PIK3R1: variants seen among roughly 807,000 people sequenced by gnomAD.
The protein encoded by PIK3R1 is phosphoinositide-3-kinase regulatory subunit 1.
In PIK3R1, 29 loss-of-function variants were observed where a neutral mutation model predicts 98.0. That is an observed-to-expected ratio of 0.30 (90% CI 0.22 to 0.40). The LOEUF is 0.40. Among genes scored for constraint, PIK3R1 ranks in the 10% least tolerant of loss-of-function variants. PIK3R1 has a pLI of 1.00. For synonymous variants in PIK3R1, 282 were observed against 311.8 expected, an observed-to-expected ratio of 0.90 and a Z score of 1.01; for missense variants, 596 against 872.7, an observed-to-expected ratio of 0.68 and a Z score of 3.99.
chr5:68,290,874 G>C, intron 7 of PIK3R1: 3 of 1,406,782 alleles, frequency 2.1e-6, no homozygotes, highest in Non-Finnish European at 2.9e-6. Flanking sequence ...AGTTAATTTC[G>C]TGGCTTTTTA....
At chr5:68,283,745 A>G (rs1580248949) in intron 7 of PIK3R1, among the ~76,000 whole-genome samples, 1 of 152,276 alleles carries the variant, frequency 6.6e-6, no homozygotes, top group East Asian at 1.9e-4. Flanking sequence ...GCTCTGTGCT[A>G]CCCGGCCAGT....
At chr5:68,294,775 A>C in intron 12 of PIK3R1, 97 bp downstream of exon 12, 1 of 776,688 alleles carries the variant, frequency 1.3e-6, no homozygotes, top group Non-Finnish European at 1.8e-6. Context: ...GATCACGTGG[A>C]CACAGGAAGG....
chr5:68,288,156 C>A (rs1019681350), intron 7 of PIK3R1, among the ~76,000 whole-genome samples: 5 of 152,312 alleles, frequency 3.3e-5, no homozygotes, highest in African/African-American at 9.6e-5. Flanking sequence ...GCTACTTGAG[C>A]CCCGCGAGCC....
chr5:68,299,356 C>T lies in PIK3R1; in HGVS notation c.*1755C>T, dbSNP rs1043704607. 6 of 233,462 alleles carry T rather than the reference C, an allele frequency of 2.6e-5. No homozygotes were observed. The highest frequency in any genetic ancestry group is 1.2e-4 in the East Asian group (2 of 16,584). The allele number at this position is 233,462 out of a possible 1,614,324, so 14.5% of individuals were successfully genotyped here. ...TCACTGCTCTGGACTGTGTGGAGCT[C>T]GCTAAAGTCATGGTCATTGCAGGAA... On this transcript the variant is annotated 3_prime_UTR_variant, in exon 16 of 16. Transcript: ENST00000521381.
chr5:68,286,591 T>A (rs183775632), intron 7 of PIK3R1, among the ~76,000 whole-genome samples: 87 of 152,332 alleles, frequency 5.7e-4, no homozygotes, highest in Non-Finnish European at 8.7e-4. Flanking sequence ...AAGATTCAGC[T>A]CACACTTTCC....
At chr5:68,251,463 C>T (rs1290198063) in intron 2 of PIK3R1, among the ~76,000 whole-genome samples, 1 of 151,408 alleles carries the variant, frequency 6.6e-6, no homozygotes, top group Non-Finnish European at 1.5e-5. Context: ...GCCCTCACAA[C>T]CCTTGAAGTT....
chr5:68,235,366 G>T (rs755627223), intron 2 of PIK3R1, among the ~76,000 whole-genome samples: 11 of 151,836 alleles, frequency 7.2e-5, no homozygotes, highest in Non-Finnish European at 1.5e-4. Context: ...TTGTGCCACT[G>T]CACTTTAGCC....
intron 2 of PIK3R1, among the ~76,000 whole-genome samples, chr5:68,228,764 T>G (rs1242356056): frequency 1.3e-5 from 2 of 152,208 alleles, no homozygotes; most frequent in Non-Finnish European, 2.9e-5. Context: ...GGGCACCTTG[T>G]CAAGATTAGT....
At chr5:68,216,179 C>A (rs1468912687) in intron 1 of PIK3R1, among the ~76,000 whole-genome samples, 1 of 152,178 alleles carries the variant, frequency 6.6e-6, no homozygotes. Flanking sequence ...CCCCGCCATC[C>A]TGACTCCCGT....
chr5:68,269,795 C>T (rs1041933699), intron 2 of PIK3R1, among the ~76,000 whole-genome samples: 4 of 151,912 alleles, frequency 2.6e-5, no homozygotes, highest in African/African-American at 9.7e-5. Flanking sequence ...AGAACTTTCA[C>T]ATTCACCATG....
intron 1 of PIK3R1, among the ~76,000 whole-genome samples, chr5:68,221,564 T>C (rs1032113124): frequency 6.6e-6 from 1 of 152,240 alleles, no homozygotes; most frequent in African/African-American, 2.4e-5. Context: ...CTTGATTAAT[T>C]TAATGTGATT....
At chr5:68,224,089 G>T (rs1367296146) in intron 1 of PIK3R1, among the ~76,000 whole-genome samples, 1 of 152,150 alleles carries the variant, frequency 6.6e-6, no homozygotes, top group Non-Finnish European at 1.5e-5. Context: ...GCCAGGAAAA[G>T]CTAACAAAAA....
In PIK3R1 at chr5:68,299,435, G is replaced by C. The variant is rs904903444; in HGVS notation, c.*1834G>C. On this transcript the variant is annotated 3_prime_UTR_variant, in exon 16 of 16. Transcript: ENST00000521381. ...TAATCATTGTATGTGCTTCACTACG[G>C]GGGGGAGAAGGAAACGTTAGCATCA... 3.7e-4 allele frequency: 87 copies of C among 233,074 alleles called. No homozygotes were observed. Among genetic ancestry groups the C allele is most frequent in the African/African-American group, 1.5e-3 (66 of 45,026 alleles). The allele number at this position is 233,074 out of a possible 1,614,324, so 14.4% of individuals were successfully genotyped here.
chr5:68,274,711 A>C (rs1041109416), intron 4 of PIK3R1, among the ~76,000 whole-genome samples: 2 of 152,230 alleles, frequency 1.3e-5, no homozygotes, highest in African/African-American at 2.4e-5. Flanking sequence ...GTTAAATAAC[A>C]CTAATTAATT....
rs6863431 is a variant in PIK3R1, at chr5:68,265,187, A to T, written c.335-8203A>T. Among the ~76,000 whole-genome samples, 1,002 of 151,642 alleles carry T rather than the reference A, an allele frequency of 6.6e-3. 12 individuals carry two copies. Among genetic ancestry groups the T allele is most frequent in the African/African-American group, 0.024 (971 of 41,250 alleles). On this transcript the variant is annotated intron_variant, in intron 2 of 15. Transcript: ENST00000521381. ...AGACTGCACCCCGACCTCCTGAATC[A>T]GGCTGTTAATATGTACATTAAAGTT... is the stretch of plus-strand genomic sequence containing the variant.
intron 2 of PIK3R1, among the ~76,000 whole-genome samples, chr5:68,239,084 T>C (rs192611464): frequency 1.1e-4 from 16 of 152,266 alleles, no homozygotes; most frequent in African/African-American, 3.9e-4. Context: ...GAAAGGCAAT[T>C]GAGAGGCATT....
intron 11 of PIK3R1, among the ~76,000 whole-genome samples, chr5:68,294,085 C>T (rs898682937): frequency 2.6e-5 from 4 of 152,140 alleles, no homozygotes; most frequent in African/African-American, 4.8e-5. Context: ...TGATTTAATT[C>T]GTGATAGAAG....
chr5:68,262,386 T>TATATATATATATATATATATATATATA (rs576101819), intron 2 of PIK3R1, among the ~76,000 whole-genome samples: 10 of 138,544 alleles, frequency 7.2e-5, no homozygotes, highest in Non-Finnish European at 1.1e-4. Flanking sequence ...TCTATAATTT[T>TATATATATATATATATATATATATATA]TATATATATA....
At chr5:68,227,321 A>C (rs1267282805) in intron 2 of PIK3R1, among the ~76,000 whole-genome samples, 1 of 152,210 alleles carries the variant, frequency 6.6e-6, no homozygotes, top group African/African-American at 2.4e-5. Context: ...AATTGGCATT[A>C]TAGGCGGAGT....
Sources: gnomAD v4.1 joint callset for allele counts (sites outside exome capture counted in the v4.1 genomes callset) on GRCh38, gnomAD v4.1.1 for gene constraint, MANE v1.5 for transcripts, NCBI Gene and HGNC (gene_info 2026-07-23, HGNC 2026-07-21) for gene names.